The following ZFYVE9 variants were observed in gnomAD, a reference collection of about 807,000 sequenced individuals.
ZFYVE9 encodes the protein zinc finger FYVE-type containing 9.
A neutral mutation model predicts 126.7 loss-of-function variants in ZFYVE9; 43 were observed. The observed-to-expected ratio is 0.34, with a 90% CI of 0.27 to 0.44. The LOEUF (loss-of-function observed/expected upper bound fraction) is 0.44. ZFYVE9 is among the 20% of genes least tolerant of loss of function. The pLI is 1.00. For missense variants in ZFYVE9, 1,476 were observed against 1,697.0 expected (o/e 0.87, Z 2.29); for synonymous variants, 521 against 597.4 (o/e 0.87, Z 1.87).
At position 52,268,601 on chromosome 1, in the gene ZFYVE9, A is replaced by G. The variant is rs1356803766; in HGVS notation, c.2594A>G (p.Lys865Arg). ...GTLAVSHDPV[K>R]PVTTSPLPAE... is the part of the protein sequence containing the mutation. ...CTGGCTGTGTCACACGACCCAGTCA[A>G]GCCAGTAACTACCAGTCCTCTACCA... The change falls in exon 7 of 19, where the codon AAG becomes AGG. Residue 865 changes from lysine to arginine, a missense_variant. Around this residue, in one of 2 missense-constraint regions of ZFYVE9, gnomAD observed 669 missense variants for 902.4 expected, o/e 0.74. Coordinates refer to ENST00000287727, the MANE Select transcript of ZFYVE9 (RefSeq NM_004799.4). 6.2e-7 allele frequency: 1 copy of G among 1,614,188 alleles called. No homozygotes were observed. The highest frequency in any genetic ancestry group is 1.7e-5 in the Admixed American group (1 of 60,030).
At chr1:52,160,643 T>G (rs907976037) in intron 1 of ZFYVE9, 1 of 636,114 alleles carries the variant, frequency 1.6e-6, no homozygotes, top group Non-Finnish European at 2.9e-6. Flanking sequence ...GTTGATCTCC[T>G]GACCTCGTGA....
intron 1 of ZFYVE9, among the ~76,000 whole-genome samples, chr1:52,205,418 T>C (rs1478084975): frequency 6.6e-6 from 1 of 151,614 alleles, no homozygotes; most frequent in East Asian, 1.9e-4. Context: ...TGTTGCCGAG[T>C]CTGGAGTGCA....
intron 7 of ZFYVE9, among the ~76,000 whole-genome samples, chr1:52,273,489 A>T (rs752509552): frequency 6.6e-6 from 1 of 152,132 alleles, no homozygotes; most frequent in African/African-American, 2.4e-5. Context: ...TTGCAACCTT[A>T]TACTTCATTA....
At chr1:52,212,637 C>G (rs1031307474) in intron 1 of ZFYVE9, among the ~76,000 whole-genome samples, 29 of 152,216 alleles carry the variant, frequency 1.9e-4, no homozygotes, top group Admixed American at 1.8e-3. Flanking sequence ...GAATCTTTGC[C>G]ATGGTAGTGT....
chr1:52,221,366 T>C (rs1267217569), intron 2 of ZFYVE9, among the ~76,000 whole-genome samples: 1 of 152,244 alleles, frequency 6.6e-6, no homozygotes, highest in Non-Finnish European at 1.5e-5. Flanking sequence ...TCTAAGCATT[T>C]ATGCGTAGAT....
At chr1:52,258,374 A>G (rs1645543199) in intron 4 of ZFYVE9, among the ~76,000 whole-genome samples, 1 of 152,166 alleles carries the variant, frequency 6.6e-6, no homozygotes, top group Admixed American at 6.6e-5. Flanking sequence ...TAGATGGTAT[A>G]TGGAATATAG....
chr1:52,218,089 A>G (rs1345077636), intron 2 of ZFYVE9, among the ~76,000 whole-genome samples: 2 of 152,172 alleles, frequency 1.3e-5, no homozygotes, highest in Non-Finnish European at 2.9e-5. Flanking sequence ...TACCCTCCGC[A>G]GGACCCTGAT....
chr1:52,326,876 A>G (rs1381822140), intron 13 of ZFYVE9, among the ~76,000 whole-genome samples: 1 of 150,104 alleles, frequency 6.7e-6, no homozygotes, highest in Admixed American at 6.7e-5. Context: ...TCTCAAAAAC[A>G]AACAAGGCCG....
chr1:52,281,373 T>C (rs1027716536), intron 9 of ZFYVE9, among the ~76,000 whole-genome samples: 1 of 152,114 alleles, frequency 6.6e-6, no homozygotes, highest in Non-Finnish European at 1.5e-5. Context: ...GACCTCATGA[T>C]CCACCCGCCT....
chr1:52,274,970 A>G (rs1446361077), intron 8 of ZFYVE9, among the ~76,000 whole-genome samples: 2 of 152,226 alleles, frequency 1.3e-5, no homozygotes, highest in Non-Finnish European at 2.9e-5. Flanking sequence ...ACGTATAGTA[A>G]GTGTGAAGAG....
chr1:52,313,111 C>T (rs900888828), intron 13 of ZFYVE9, among the ~76,000 whole-genome samples: 6 of 152,290 alleles, frequency 3.9e-5, no homozygotes, highest in East Asian at 3.9e-4. Flanking sequence ...AGCCCTCAGA[C>T]GGAACTATCT....
intron 17 of ZFYVE9, among the ~76,000 whole-genome samples, chr1:52,343,455 G>A (rs1029637056): frequency 1.3e-5 from 2 of 148,968 alleles, no homozygotes; most frequent in Admixed American, 6.7e-5. Flanking sequence ...CAAAAAAAAA[G>A]AAAAAAAGAA....
intron 2 of ZFYVE9, among the ~76,000 whole-genome samples, chr1:52,219,478 A>G (rs1460445760): frequency 2.0e-5 from 3 of 151,716 alleles, no homozygotes; most frequent in Admixed American, 2.0e-4. Flanking sequence ...AGTATTAGAT[A>G]AGGAGTATTA....
chr1:52,148,816 A>C (rs1644327752), intron 1 of ZFYVE9, among the ~76,000 whole-genome samples: 1 of 151,394 alleles, frequency 6.6e-6, no homozygotes, highest in South Asian at 2.1e-4. Context: ...TAAGTTTTGT[A>C]ATTTTAGTAG....
At chr1:52,160,961 T>G (rs1218944526) in intron 1 of ZFYVE9, among the ~76,000 whole-genome samples, 1 of 152,350 alleles carries the variant, frequency 6.6e-6, no homozygotes, top group South Asian at 2.1e-4. Context: ...ACATTTCTAG[T>G]GCAGTTTGAG....
chr1:52,192,320 G>T (rs1325534973), intron 1 of ZFYVE9, among the ~76,000 whole-genome samples: 1 of 152,170 alleles, frequency 6.6e-6, no homozygotes, highest in Non-Finnish European at 1.5e-5. Flanking sequence ...TAAGAAGTGT[G>T]TAACCTAGTA....
At chr1:52,214,668 G>GT (rs1382971785) in intron 1 of ZFYVE9, among the ~76,000 whole-genome samples, 1 of 151,896 alleles carries the variant, frequency 6.6e-6, no homozygotes, top group East Asian at 1.9e-4. Context: ...GTATATGGAG[G>GT]GGTGTGTGTG....
intron 12 of ZFYVE9, among the ~76,000 whole-genome samples, chr1:52,300,913 G>A (rs1421833350): frequency 5.4e-5 from 8 of 148,784 alleles, no homozygotes; most frequent in Non-Finnish European, 7.4e-5. Flanking sequence ...AGGTTGTAGT[G>A]CAGTGGCACA....
At position 52,164,005 on chromosome 1, in the gene ZFYVE9, G is replaced by A. The variant is rs942967827; in HGVS notation, c.-143+21602G>A. The stretch of plus-strand genomic sequence containing the variant: ...GTCTCACTGTTGCCCAGGCTGGAGC[G>A]TAGTGGCTCAATCACTGCTCACTGC... On this transcript the variant is annotated intron_variant, in intron 1 of 18. Coordinates refer to ENST00000287727, the MANE Select transcript of ZFYVE9 (RefSeq NM_004799.4). 2.0e-5 allele frequency among the ~76,000 whole-genome samples: 3 copies of A among 151,774 alleles called. No homozygotes were observed. The South Asian group carries it at 6.2e-4, about 32-fold the overall frequency.
Sources: allele counts gnomAD v4.1 joint callset (sites outside exome capture counted in the v4.1 genomes callset), GRCh38; gene constraint gnomAD v4.1.1; regional missense constraint gnomAD v4.1.1; transcripts MANE v1.5; gene names NCBI Gene and HGNC (gene_info 2026-07-23, HGNC 2026-07-21).